The following CYP2S1 variants were observed in gnomAD, a reference collection of about 807,000 sequenced individuals.
CYP2S1 encodes cytochrome P450 family 2 subfamily S member 1.
Under a neutral mutation model 43.5 loss-of-function variants are expected in CYP2S1, and 32 were observed. That is an observed-to-expected ratio of 0.74 (90% CI 0.56 to 0.99). The LOEUF is 0.99. CYP2S1 is among the 50% of genes least tolerant of loss of function. The pLI is 0.00. For synonymous variants in CYP2S1, 283 were observed against 302.9 expected (o/e 0.93, Z 0.68); for missense variants, 575 against 673.9 (o/e 0.85, Z 1.62).
intron 7 of CYP2S1, among the ~76,000 whole-genome samples, chr19:41,204,113 G>T (rs539964969): frequency 2.0e-5 from 3 of 151,998 alleles, no homozygotes; most frequent in African/African-American, 7.2e-5. Flanking sequence ...TGCCCGCTTC[G>T]GCCTCCCAAA....
At chr19:41,204,212 T>C (rs2033532242) in intron 7 of CYP2S1, among the ~76,000 whole-genome samples, 1 of 152,138 alleles carries the variant, frequency 6.6e-6, no homozygotes, top group Non-Finnish European at 1.5e-5. Context: ...TTGTGTTTTC[T>C]TCCCCTTTGA....
chr19:41,203,863 A>AT (rs1190210509), intron 7 of CYP2S1, among the ~76,000 whole-genome samples: 1 of 139,054 alleles, frequency 7.2e-6, no homozygotes, highest in East Asian at 2.1e-4. Flanking sequence ...TTCTGCATAT[A>AT]TTTTTTTTCT....
intron 7 of CYP2S1, among the ~76,000 whole-genome samples, chr19:41,204,708 T>C (rs754773013): frequency 4.0e-5 from 6 of 150,842 alleles, no homozygotes; most frequent in Admixed American, 1.3e-4. Context: ...AGCAATTCTC[T>C]TGCCTCAGCC....
chr19:41,200,653 C>T (rs1034360057), intron 5 of CYP2S1, among the ~76,000 whole-genome samples: 5 of 152,146 alleles, frequency 3.3e-5, no homozygotes, highest in African/African-American at 1.2e-4. Context: ...GGACTACAGG[C>T]GTGAGCCACT....
chr19:41,193,330 G>A lies in CYP2S1; in HGVS notation c.66G>A (p.Ala22=). The change falls in exon 1 of 9, where the codon GCG becomes GCA. Residue 22 remains alanine (A), a synonymous_variant. Transcript: ENST00000310054. ...CGCTGCTCCTGCTGCTGACGCTGGC[G>A]CTGTCCGGGACCAGGGCCCGAGGCC... ...ALALLLLLTL[A]LSGTRARGHL... 6.5e-7 allele frequency: 1 copy of A among 1,541,078 alleles called. No individual in the cohort carries two copies. The highest frequency in any genetic ancestry group is 2.5e-5 in the East Asian group (1 of 40,358).
Position 41,207,023 on chromosome 19 carries a change from A to ACG in CYP2S1, c.*535_*536insCG. 2.9e-6 allele frequency: 1 copy of ACG among 342,344 alleles called. No individual in the cohort carries two copies. The highest frequency in any genetic ancestry group is 5.8e-6 in the Non-Finnish European group (1 of 173,110). 21.2% of individuals were successfully genotyped at this position (342,344 alleles called of 1,614,324 possible). Reference sequence around the variant, plus strand: ...CCTCTCTTGGCTACACCACTCTCCCAGCCTGTGACCACCGATGTCCACACA... The same window carrying ACG: ...CCTCTCTTGGCTACACCACTCTCCCACGGCCTGTGACCACCGATGTCCACACA... On this transcript the variant is annotated 3_prime_UTR_variant, in exon 9 of 9. Coordinates refer to ENST00000310054, the MANE Select transcript of CYP2S1 (RefSeq NM_030622.8).
intron 5 of CYP2S1, 35 bp from the exon 6 acceptor site, chr19:41,201,196 G>C (rs755829362): frequency 3.1e-6 from 5 of 1,609,396 alleles, no homozygotes; most frequent in Non-Finnish European, 4.2e-6. Context: ...CCCAAAGGCT[G>C]TGTTCTCTCA....
chr19:41,197,736 G>A (rs1264567615), intron 2 of CYP2S1, 43 bp from the exon 3 acceptor site: 1 of 1,603,786 alleles, frequency 6.2e-7, no homozygotes, highest in Non-Finnish European at 8.5e-7. Flanking sequence ...GGGGGAATGG[G>A]GGAGAGGGGC....
intron 1 of CYP2S1, among the ~76,000 whole-genome samples, chr19:41,194,031 C>T (rs938912603): frequency 6.6e-6 from 1 of 151,990 alleles, no homozygotes; most frequent in South Asian, 2.1e-4. Context: ...AGAGGCAGCC[C>T]CAGCCTTAGG....
intron 6 of CYP2S1, among the ~76,000 whole-genome samples, chr19:41,202,510 C>T (rs1456001444): frequency 6.6e-6 from 1 of 152,082 alleles, no homozygotes; most frequent in Admixed American, 6.6e-5. Flanking sequence ...TATGGATGAG[C>T]CAGGCATGGT....
intron 7 of CYP2S1, among the ~76,000 whole-genome samples, chr19:41,205,325 CCTTTCTTT>C (rs67491669): frequency 1.6e-4 from 19 of 116,436 alleles, no homozygotes; most frequent in African/African-American, 5.1e-4. Flanking sequence ...CTATTCTTTG[CCTTTCTTT>C]CTTTCTTTTT....
chr19:41,197,737 G>T (rs1441183314), intron 2 of CYP2S1, 42 bp from the exon 3 acceptor site: 1 of 1,605,326 alleles, frequency 6.2e-7, no homozygotes, highest in African/African-American at 1.3e-5. Flanking sequence ...GGGGAATGGG[G>T]GAGAGGGGCC....
chr19:41,199,873 G>A (rs1174588120), intron 5 of CYP2S1, among the ~76,000 whole-genome samples: 2 of 151,834 alleles, frequency 1.3e-5, no homozygotes, highest in Non-Finnish European at 2.9e-5. Context: ...GGGAGGCTGA[G>A]GCAGGAGAAT....
rs753489997 is a variant in CYP2S1, at chr19:41,198,778, A to G, written c.724A>G (p.Ser242Gly). ...GPHKQLLHHV[S>G]TLAAFTVRQV... ...CCACAAGCAGCTCCTCCACCACGTC[A>G]GCACCTTGGCTGCCTTCACAGTCCG... is the stretch of plus-strand genomic sequence containing the variant. The change falls in exon 5 of 9, where the codon AGC becomes GGC. Residue 242 changes from serine (S) to glycine (G), a missense_variant. Ser to Gly is a moderately conservative substitution (Grantham distance 56, BLOSUM62 0). This residue lies in a region of CYP2S1 where 353 missense variants were observed against 367.6 expected (regional missense o/e 0.96). Transcript: ENST00000310054. The surrounding 1 kb of genome is among the most constrained non-coding windows in gnomAD (Gnocchi z 4.9). 1 of 1,614,116 alleles carries G rather than the reference A, an allele frequency of 6.2e-7. No homozygotes were observed. The highest frequency in any genetic ancestry group is 1.7e-5 in the Admixed American group (1 of 60,006).
intron 6 of CYP2S1, 71 bp downstream of exon 6, chr19:41,201,443 C>A: frequency 1.3e-6 from 2 of 1,550,680 alleles, no homozygotes; most frequent in South Asian, 1.2e-5. Flanking sequence ...AGGTGGCTCA[C>A]GCCTATAATC....
At position 41,193,326 on chromosome 19, in the gene CYP2S1, T is replaced by A; in HGVS notation, c.62T>A (p.Leu21Gln). The A allele has an allele frequency of 1.3e-6, 2 of 1,541,344 alleles. No homozygotes were observed. The highest frequency in any genetic ancestry group is 1.7e-6 in the Non-Finnish European group (2 of 1,143,712). ...CTGGCGCTGCTCCTGCTGCTGACGC[T>A]GGCGCTGTCCGGGACCAGGGCCCGA... ...LALALLLLLTLALSGTRARGH... is the reference protein window; with the variant it reads ...LALALLLLLTQALSGTRARGH... The change falls in exon 1 of 9, where the codon CTG becomes CAG. Residue 21 changes from leucine (L) to glutamine (Q), a missense_variant. By Grantham distance (113) the Leu-to-Gln change is moderately radical (BLOSUM62 -2). This residue lies in a region of CYP2S1 where 353 missense variants were observed against 367.6 expected (regional missense o/e 0.96). Transcript: ENST00000310054.
rs1451826833 is a variant in CYP2S1, at chr19:41,206,506, G to T, written c.*18G>T. Reference sequence around the variant, plus strand: ...CCAGATGAAGGAAGGCAACTTGGAAGTGGTGGGTGCCCAGGACGGTGCCTC... The same window carrying T: ...CCAGATGAAGGAAGGCAACTTGGAATTGGTGGGTGCCCAGGACGGTGCCTC... On this transcript the variant is annotated 3_prime_UTR_variant, in exon 9 of 9. Transcript: ENST00000310054. 2 of 1,613,976 alleles carry T rather than the reference G, an allele frequency of 1.2e-6. No homozygotes were observed. The highest frequency in any genetic ancestry group is 1.7e-6 in the Non-Finnish European group (2 of 1,180,026).
chr19:41,207,159 T>C lies in CYP2S1; in HGVS notation c.*671T>C. 1 of 276,892 alleles carries C rather than the reference T, an allele frequency of 3.6e-6. No individual in the cohort carries two copies. 17.2% of individuals were successfully genotyped at this position (276,892 alleles called of 1,614,324 possible). On this transcript the variant is annotated 3_prime_UTR_variant, in exon 9 of 9. Coordinates refer to ENST00000310054, the MANE Select transcript of CYP2S1 (RefSeq NM_030622.8). ...CACAGAGGCACAGTCCCCAGCCACC[T>C]CTGCAACTGCAGCCCTCAGTCACCC...
At position 41,197,806 on chromosome 19, in the gene CYP2S1, G is replaced by A. The variant is rs763698937; in HGVS notation, c.371G>A (p.Trp124Ter). ...GTTTTCTTCTCCAACGGGGAGCGGTGGAGGCAGCTGAGGAAGTTTACCATG... is the reference window on the plus strand; with the variant it reads ...GTTTTCTTCTCCAACGGGGAGCGGTAGAGGCAGCTGAGGAAGTTTACCATG... Reference protein sequence around the residue: ...HGVFFSNGERWRQLRKFTMLA... With the variant: ...HGVFFSNGER Residue 124 changes from tryptophan (W) to a stop codon, truncating the protein, a stop_gained, in exon 3 of 9, where the codon TGG (tryptophan) becomes TAG (stop). Transcript: ENST00000310054. LOFTEE classifies it high-confidence loss of function. The A allele has an allele frequency of 6.2e-7, 1 of 1,613,992 alleles. No individual in the cohort carries two copies. The highest frequency in any genetic ancestry group is 1.3e-5 in the African/African-American group (1 of 74,926).
Sources: allele counts gnomAD v4.1 joint callset (sites outside exome capture counted in the v4.1 genomes callset), GRCh38; gene constraint gnomAD v4.1.1; regional missense constraint gnomAD v4.1.1; non-coding constraint Gnocchi (gnomAD v3.1); transcripts MANE v1.5; gene names NCBI Gene and HGNC (gene_info 2026-07-23, HGNC 2026-07-21).